Variants in CATSPERT observed in about 807,000 individuals in gnomAD.
CATSPERT encodes catsper channel auxiliary subunit tau, also known as cation channel sperm-associated targeting subunit tau.
the CATSPERT span, among the ~76,000 whole-genome samples, chr2:201,583,489 C>G: frequency 2.6e-5 from 4 of 152,060 alleles, no homozygotes; most frequent in Non-Finnish European, 4.4e-5. Flanking sequence ...AAATTTCGAG[C>G]CAGATACTTA....
the CATSPERT span, among the ~76,000 whole-genome samples, chr2:201,512,210 T>C: frequency 6.6e-6 from 1 of 152,192 alleles, no homozygotes; most frequent in African/African-American, 2.4e-5. Context: ...GACAATGATC[T>C]TTCTTTTTAA....
the CATSPERT span, chr2:201,511,959 T>C: frequency 5.9e-5 from 9 of 151,922 alleles, no homozygotes; most frequent in South Asian, 1.9e-3. Flanking sequence ...AGCAATTAAC[T>C]TGGACTTTCA....
At chr2:201,523,143 C>A in the CATSPERT span, among the ~76,000 whole-genome samples, 2 of 152,210 alleles carry the variant, frequency 1.3e-5, no homozygotes, top group African/African-American at 4.8e-5. Context: ...AGTGCATGCA[C>A]GTGGACCTTG....
chr2:201,581,548 G>GTATATATA, the CATSPERT span, among the ~76,000 whole-genome samples: 38 of 9,628 alleles, frequency 3.9e-3, no homozygotes, highest in Admixed American at 6.3e-3. Flanking sequence ...AAAAATGTGT[G>GTATATATA]TATATATATA....
the CATSPERT span, among the ~76,000 whole-genome samples, chr2:201,531,705 G>C: frequency 6.6e-6 from 1 of 152,134 alleles, no homozygotes; most frequent in Admixed American, 6.5e-5. Context: ...CCCTGACAGA[G>C]AAGAATATTA....
At chr2:201,493,410 A>G in the CATSPERT span, 1 of 1,537,140 alleles carries the variant, frequency 6.5e-7, no homozygotes, top group South Asian at 1.2e-5. Context: ...TGATTTCTGA[A>G]TAATACTCTT....
At chr2:201,566,127 A>G in the CATSPERT span, among the ~76,000 whole-genome samples, 1 of 152,270 alleles carries the variant, frequency 6.6e-6, no homozygotes, top group East Asian at 1.9e-4. Context: ...CTCAAGTTCT[A>G]ATGAGAAGTA....
the CATSPERT span, among the ~76,000 whole-genome samples, chr2:201,498,532 C>G: frequency 2.6e-4 from 40 of 152,062 alleles, no homozygotes; most frequent in Admixed American, 7.2e-4. Context: ...TTTTCCTCTC[C>G]CAGTCCACCA....
At chr2:201,510,707 T>TA in the CATSPERT span, among the ~76,000 whole-genome samples, 3,907 of 151,962 alleles carry the variant, frequency 0.026, 176 homozygotes, top group African/African-American at 0.089. Context: ...TACGTCATAT[T>TA]AAAAAAAATC....
the CATSPERT span, among the ~76,000 whole-genome samples, chr2:201,595,248 G>T: frequency 6.6e-6 from 1 of 150,462 alleles, no homozygotes; most frequent in African/African-American, 2.4e-5. Context: ...GGGTGCAGTG[G>T]CGGGATCTCG....
the CATSPERT span, among the ~76,000 whole-genome samples, chr2:201,530,144 C>CT: frequency 1.3e-5 from 2 of 152,150 alleles, no homozygotes; most frequent in Non-Finnish European, 2.9e-5. Flanking sequence ...CCCTTGTACA[C>CT]TATTTGTGGG....
At chr2:201,595,756 A>C in the CATSPERT span, among the ~76,000 whole-genome samples, 1 of 152,224 alleles carries the variant, frequency 6.6e-6, no homozygotes, top group African/African-American at 2.4e-5. Context: ...GGCAGGGCAC[A>C]GACAAACGGA....
chr2:201,491,802 T>C, the CATSPERT span: 12 of 1,537,038 alleles, frequency 7.8e-6, no homozygotes, highest in Admixed American at 3.9e-5. Context: ...AAGCTTTTGA[T>C]TGAGTTATTT....
the CATSPERT span, among the ~76,000 whole-genome samples, chr2:201,556,224 T>G: frequency 5.3e-5 from 8 of 152,162 alleles, no homozygotes; most frequent in African/African-American, 1.9e-4. Context: ...ATGATGCAAC[T>G]TCAGGCCGGG....
At chr2:201,531,309 C>T in the CATSPERT span, among the ~76,000 whole-genome samples, 2 of 151,822 alleles carry the variant, frequency 1.3e-5, no homozygotes, top group East Asian at 3.9e-4. Flanking sequence ...TTACTACTGC[C>T]TACCGTGGAC....
At chr2:201,578,820 G>A in the CATSPERT span, among the ~76,000 whole-genome samples, 13 of 152,230 alleles carry the variant, frequency 8.5e-5, no homozygotes, top group African/African-American at 2.9e-4. Context: ...AATAAGTAAT[G>A]TCACATTTTT....
the CATSPERT span, chr2:201,553,000 C>A: frequency 6.6e-5 from 10 of 152,064 alleles, no homozygotes; most frequent in Admixed American, 2.0e-4. Flanking sequence ...GGTCTACTAA[C>A]TAATATATTA....
the CATSPERT span, chr2:201,491,883 C>G: frequency 6.5e-7 from 1 of 1,536,932 alleles, no homozygotes; most frequent in Non-Finnish European, 8.7e-7. Flanking sequence ...CTTGAGGAAG[C>G]TGCGTGAATA....
chr2:201,532,663 GA>G, the CATSPERT span, among the ~76,000 whole-genome samples: 7 of 152,162 alleles, frequency 4.6e-5, no homozygotes, highest in Admixed American at 4.6e-4. Context: ...TGAGACAATT[GA>G]GACCTCCCCA....
Sources: gnomAD v4.1 joint callset for allele counts (sites outside exome capture counted in the v4.1 genomes callset) on GRCh38, gnomAD v4.1.1 for gene constraint, MANE v1.5 for transcripts, NCBI Gene and HGNC (gene_info 2026-07-23, HGNC 2026-07-21) for gene names.